Variants in ABCG8 observed in about 807,000 individuals in gnomAD.
ABCG8 encodes ATP-binding cassette sub-family G member 8.
A neutral mutation model predicts 71.3 loss-of-function variants in ABCG8; 81 were observed. The ratio of observed to expected loss-of-function variants is 1.14; its 90% CI spans 0.95 to 1.37. The LOEUF (loss-of-function observed/expected upper bound fraction) is 1.37, where lower values mean the gene tolerates loss of function less well. ABCG8 is among the 40% of genes most tolerant of loss of function. The pLI, the probability that ABCG8 is intolerant of heterozygous loss-of-function variation, is 0.00. For missense variants in ABCG8, 1,119 were observed against 866.2 expected, an observed-to-expected ratio of 1.29 and a Z score of -3.66; for synonymous variants, 451 against 354.7, an observed-to-expected ratio of 1.27 and a Z score of -3.05.
At chr2:43,874,640 T>C (rs1189544135) in intron 10 of ABCG8, among the ~76,000 whole-genome samples, 157 bp downstream of exon 10, 1 of 152,198 alleles carries the variant, frequency 6.6e-6, no homozygotes, top group Non-Finnish European at 1.5e-5. Flanking sequence ...TAGGGGAGTT[T>C]CAGAGACTTG....
intron 3 of ABCG8, among the ~76,000 whole-genome samples, chr2:43,850,808 C>T (rs987103518): frequency 6.6e-6 from 1 of 151,526 alleles, no homozygotes; most frequent in East Asian, 1.9e-4. Context: ...ACTCAGGAGG[C>T]TGAGGCAGGG....
At chr2:43,852,264 A>G in intron 4 of ABCG8, 90 bp from the exon 5 acceptor site, 1 of 1,581,780 alleles carries the variant, frequency 6.3e-7, no homozygotes, top group Non-Finnish European at 8.6e-7. Context: ...ACCCAGCCGG[A>G]GGAGCGGGCG....
At chr2:43,872,444 G>T in intron 8 of ABCG8, 138 bp downstream of exon 8, 2 of 998,114 alleles carry the variant, frequency 2.0e-6, no homozygotes, top group Non-Finnish European at 1.5e-6. Context: ...CATCCAGCAG[G>T]GCGTTGGTGG....
At chr2:43,853,793 C>T (rs1669006929) in intron 6 of ABCG8, among the ~76,000 whole-genome samples, 1 of 152,220 alleles carries the variant, frequency 6.6e-6, no homozygotes, top group South Asian at 2.1e-4. Context: ...AGGCACAGAA[C>T]TGGGACTGGT....
chr2:43,870,586 T>C (rs1328190575), intron 6 of ABCG8, among the ~76,000 whole-genome samples: 1 of 151,970 alleles, frequency 6.6e-6, no homozygotes, highest in East Asian at 1.9e-4. Flanking sequence ...AATAGAACTC[T>C]CACTATCTGG....
At chr2:43,872,435 A>C in intron 8 of ABCG8, 129 bp downstream of exon 8, 29 of 1,091,300 alleles carry the variant, frequency 2.7e-5, no homozygotes, top group Middle Eastern at 2.1e-4. Flanking sequence ...AAAAAACAGC[A>C]TCCAGCAGGG....
chr2:43,849,840 C>G (rs1668858875), intron 3 of ABCG8, among the ~76,000 whole-genome samples: 1 of 152,090 alleles, frequency 6.6e-6, no homozygotes, highest in Non-Finnish European at 1.5e-5. Flanking sequence ...CCCCTTCTAC[C>G]CTGAGAGCCT....
At chr2:43,859,247 C>T (rs1669220385) in intron 6 of ABCG8, among the ~76,000 whole-genome samples, 1 of 151,164 alleles carries the variant, frequency 6.6e-6, no homozygotes, top group Non-Finnish European at 1.5e-5. Flanking sequence ...AATTCTCACA[C>T]TCTGGATACA....
chr2:43,871,359 G>C (rs75574645), intron 6 of ABCG8, among the ~76,000 whole-genome samples: 2 of 115,092 alleles, frequency 1.7e-5, no homozygotes, highest in East Asian at 2.3e-4. Context: ...TGGATAGAAT[G>C]CTCACTCTCT....
In ABCG8 at chr2:43,867,175, G is replaced by A. The variant is rs551581391; in HGVS notation, c.965-4801G>A. ...AAGACATGGAAACAGGAAGGGGAAC[G>A]TCACACTCTGGGGACTGTTGTGGGG... is the stretch of plus-strand genomic sequence containing the variant. On this transcript the variant is annotated intron_variant, in intron 6 of 12. Transcript: ENST00000272286. 4.6e-3 allele frequency among the ~76,000 whole-genome samples: 577 copies of A among 125,820 alleles called. 6 individuals are homozygous for A. The highest frequency in any genetic ancestry group is 0.015 in the African/African-American group (509 of 33,832). 82.5% of individuals were successfully genotyped at this position (125,820 alleles called of 152,430 possible). A position where few individuals can be genotyped will look rare whatever the true frequency, so the allele number is the denominator to read the frequency against.
At chr2:43,864,474 C>T (rs1345472305) in intron 6 of ABCG8, among the ~76,000 whole-genome samples, 2 of 151,680 alleles carry the variant, frequency 1.3e-5, no homozygotes, top group Non-Finnish European at 3.0e-5. Flanking sequence ...CTGGATAGAA[C>T]TCTATCTATC....
intron 1 of ABCG8, among the ~76,000 whole-genome samples, chr2:43,843,958 G>C (rs1476788097): frequency 2.6e-5 from 4 of 152,222 alleles, no homozygotes; most frequent in Non-Finnish European, 5.9e-5. Flanking sequence ...AAGTATGCCA[G>C]ATGTTAGTGA....
chr2:43,872,345 G>T (rs766062233), intron 8 of ABCG8, 39 bp downstream of exon 8: 20 of 1,584,368 alleles, frequency 1.3e-5, no homozygotes, highest in Non-Finnish European at 1.6e-5. Context: ...CCGCCCCCCT[G>T]CCCAAGTCTT....
At position 43,881,321 on chromosome 2, in the gene ABCG8, A is replaced by G. The variant is rs985134800; in HGVS notation, c.*3408A>G. ...TGGTTGCCCATGCTGGAGCTTTAAC[A>G]AAAGCCAATGTGGACCCATTGCCCA... On this transcript the variant is annotated 3_prime_UTR_variant, in exon 13 of 13. Transcript: ENST00000272286. 1.3e-5 allele frequency: 2 copies of G among 152,220 alleles called. No individual in the cohort carries two copies. The highest frequency in any genetic ancestry group is 4.8e-5 in the African/African-American group (2 of 41,458). 9.4% of individuals were successfully genotyped at this position (152,220 alleles called of 1,614,324 possible).
chr2:43,870,972 C>A (rs567623357), intron 6 of ABCG8, among the ~76,000 whole-genome samples: 1 of 152,036 alleles, frequency 6.6e-6, no homozygotes, highest in Non-Finnish European at 1.5e-5. Context: ...AGAACTCTCA[C>A]CATCTGAATA....
intron 6 of ABCG8, among the ~76,000 whole-genome samples, chr2:43,863,776 G>A (rs1261401248): frequency 6.8e-6 from 1 of 146,018 alleles, no homozygotes; most frequent in Non-Finnish European, 1.5e-5. Context: ...CTATCTGGAT[G>A]GAATTCTCAC....
In ABCG8 at chr2:43,852,398, C is replaced by T. The variant is rs769793953; in HGVS notation, c.606C>T (p.Asp202=). 2 of 1,612,388 alleles carry T rather than the reference C, an allele frequency of 1.2e-6. No individual in the cohort carries two copies. Among genetic ancestry groups the T allele is most frequent in the South Asian group, 1.1e-5 (1 of 91,006 alleles). The change falls in exon 5 of 13, where the codon GAC becomes GAT. Residue 202 remains aspartate (D), a synonymous_variant. Coordinates refer to ENST00000272286, the MANE Select transcript of ABCG8 (RefSeq NM_022437.3). Reference sequence around the variant, plus strand: ...AGCTGCGGCTTAGGCAGTGCGCTGACACCCGCGTGGGCAACATGTACGTGC... The same window carrying T: ...AGCTGCGGCTTAGGCAGTGCGCTGATACCCGCGTGGGCAACATGTACGTGC... The part of the protein sequence containing the change: ...IAELRLRQCA[D]TRVGNMYVRG...
At chr2:43,874,288 A>T in intron 9 of ABCG8, 119 bp from the exon 10 acceptor site, 1 of 976,838 alleles carries the variant, frequency 1.0e-6, no homozygotes, top group African/African-American at 1.6e-5. Flanking sequence ...TAAAAAAAAA[A>T]ATTAGAGACT....
Position 43,852,717 on chromosome 2 carries a change from G to A in ABCG8, c.813G>A (p.Gln271=). ...GGCTGGTGCTCATCTCCCTCCACCA[G>A]CCTCGCTCTGACATCTTCAGGCTGT... ...GNRLVLISLH[Q]PRSDIFRLFD... The change falls in exon 6 of 13, where the codon CAG becomes CAA. Residue 271 remains glutamine, a synonymous_variant. Transcript: ENST00000272286. 2 of 1,614,178 alleles carry A rather than the reference G, an allele frequency of 1.2e-6. No individual in the cohort carries two copies. The highest frequency in any genetic ancestry group is 1.7e-6 in the Non-Finnish European group (2 of 1,180,026).
Sources: allele counts gnomAD v4.1 joint callset (sites outside exome capture counted in the v4.1 genomes callset), GRCh38; gene constraint gnomAD v4.1.1; transcripts MANE v1.5; gene names NCBI Gene and HGNC (gene_info 2026-07-23, HGNC 2026-07-21).